Variants in PPP1R1C observed in about 807,000 individuals in gnomAD.
PPP1R1C encodes protein phosphatase 1 regulatory inhibitor subunit 1C, also known as protein phosphatase 1 regulatory subunit 1C.
PPP1R1C carries 15 observed loss-of-function variants against 17.4 expected under a neutral mutation model. The observed-to-expected ratio is 0.86, with a 90% confidence interval of 0.58 to 1.33. The LOEUF is 1.33. Among genes scored for constraint, PPP1R1C ranks in the 40% most tolerant of loss-of-function variants. PPP1R1C has a pLI of 0.00. For synonymous variants in PPP1R1C, 35 were observed against 43.1 expected (o/e 0.81, Z 0.73); for missense variants, 143 against 130.0 (o/e 1.10, Z -0.48).
chr2:181,961,723 C>A lies in PPP1R1C; in HGVS notation n.111+7089C>A, dbSNP rs184386711. On this transcript the variant is annotated intron_variant and non_coding_transcript_variant, in intron 1 of 5. Transcript: ENST00000464264. This position sits in a 1 kb window ranked among gnomAD's most constrained non-coding sequence, Gnocchi z 5.8. ...TCGAGTCAGCTCATCATATTGGGCC[C>A]GGATATCTGCTATGATCTTGGCAAG... 4.7e-6 allele frequency: 4 copies of A among 849,952 alleles called. No individual in the cohort carries two copies. In the African/African-American group the frequency reaches 6.6e-5, roughly 14 times the overall value. 52.7% of individuals were successfully genotyped at this position (849,952 alleles called of 1,614,324 possible). A position where few individuals can be genotyped will look rare whatever the true frequency, so the allele number is the denominator to read the frequency against.
intron 2 of PPP1R1C, among the ~76,000 whole-genome samples, chr2:181,993,002 T>A (rs1437384536): frequency 6.6e-6 from 1 of 152,180 alleles, no homozygotes; most frequent in African/African-American, 2.4e-5. Flanking sequence ...GTATGTAGCA[T>A]ATTACTTTCT....
chr2:182,058,681 G>T (rs1237866946), intron 2 of PPP1R1C, among the ~76,000 whole-genome samples: 2 of 152,058 alleles, frequency 1.3e-5, no homozygotes, highest in African/African-American at 4.8e-5. Flanking sequence ...AATTTTACGT[G>T]GCTTAAGTGT....
intron 5 of PPP1R1C, among the ~76,000 whole-genome samples, chr2:182,127,609 G>A (rs527260609): frequency 1.3e-5 from 2 of 152,164 alleles, no homozygotes; most frequent in East Asian, 3.9e-4. Context: ...GGGAAGAAAA[G>A]GGGAAGAACC....
At chr2:182,110,720 G>A (rs1013965753) in intron 4 of PPP1R1C, among the ~76,000 whole-genome samples, 9 of 152,130 alleles carry the variant, frequency 5.9e-5, no homozygotes, top group African/African-American at 2.2e-4. Flanking sequence ...GCTAACCACT[G>A]ACTCCTGCTG....
At chr2:182,003,526 T>C (rs1685831872) in intron 2 of PPP1R1C, among the ~76,000 whole-genome samples, 2 of 152,158 alleles carry the variant, frequency 1.3e-5, no homozygotes, top group Non-Finnish European at 2.9e-5. Context: ...AAATATGTTT[T>C]CTTGCAGCTC....
intron 2 of PPP1R1C, among the ~76,000 whole-genome samples, chr2:181,995,908 CT>C (rs1685599599): frequency 1.3e-5 from 2 of 152,114 alleles, no homozygotes; most frequent in African/African-American, 2.4e-5. Context: ...TTACCAGGGG[CT>C]TAAGCAGAAA....
At position 181,961,728 on chromosome 2, in the gene PPP1R1C, A is replaced by G; in HGVS notation, n.111+7094A>G. Reference sequence around the variant, plus strand: ...TCAGCTCATCATATTGGGCCCGGATATCTGCTATGATCTTGGCAAGGTCCT... The same window carrying G: ...TCAGCTCATCATATTGGGCCCGGATGTCTGCTATGATCTTGGCAAGGTCCT... On this transcript the variant is annotated intron_variant and non_coding_transcript_variant, in intron 1 of 5. Transcript: ENST00000464264. This position sits in a 1 kb window ranked among gnomAD's most constrained non-coding sequence, Gnocchi z 5.8. The G allele has an allele frequency of 1.2e-6, 1 of 862,388 alleles. No homozygotes were observed. The highest frequency in any genetic ancestry group is 2.0e-6 in the Non-Finnish European group (1 of 509,982). The allele number at this position is 862,388 out of a possible 1,614,324, so 53.4% of individuals were successfully genotyped here.
rs868670727 is a variant in PPP1R1C at position 181,962,889 on chromosome 2, C to T, written n.111+8255C>T. On this transcript the variant is annotated intron_variant and non_coding_transcript_variant, in intron 1 of 5. Transcript: ENST00000464264. This position sits in a 1 kb window ranked among gnomAD's most constrained non-coding sequence, Gnocchi z 6.0. ...ACTGATTCCCTTTGTCTGCAGGACA[C>T]ATTTGAGAGGGGGGATCTCTGAAGT... Among the ~76,000 whole-genome samples the T allele has an allele frequency of 3.3e-5, 5 of 152,114 alleles. No individual in the cohort carries two copies. The highest frequency in any genetic ancestry group is 7.2e-5 in the African/African-American group (3 of 41,406).
At chr2:181,977,629 A>G (rs1479964171) in intron 2 of PPP1R1C, among the ~76,000 whole-genome samples, 1 of 152,144 alleles carries the variant, frequency 6.6e-6, no homozygotes, top group Non-Finnish European at 1.5e-5. Flanking sequence ...AAAGTGCCTA[A>G]CAGGACACTT....
intron 2 of PPP1R1C, among the ~76,000 whole-genome samples, chr2:181,989,053 A>G (rs1384643818): frequency 6.6e-6 from 1 of 152,236 alleles, no homozygotes; most frequent in East Asian, 1.9e-4. Flanking sequence ...AATAAATACA[A>G]GTATAAAGAT....
chr2:182,125,656 T>A (rs2125242898), intron 5 of PPP1R1C, among the ~76,000 whole-genome samples: 1 of 152,304 alleles, frequency 6.6e-6, no homozygotes, highest in South Asian at 2.1e-4. Context: ...TTTATCCATT[T>A]CTTCTAGATT....
chr2:182,036,940 G>T (rs1048872902), intron 2 of PPP1R1C, among the ~76,000 whole-genome samples: 4 of 152,074 alleles, frequency 2.6e-5, no homozygotes, highest in African/African-American at 9.7e-5. Flanking sequence ...TCAGTTTTTA[G>T]AAATAACACA....
At chr2:182,049,958 T>C (rs778358818) in intron 2 of PPP1R1C, among the ~76,000 whole-genome samples, 1 of 152,178 alleles carries the variant, frequency 6.6e-6, no homozygotes, top group Non-Finnish European at 1.5e-5. Flanking sequence ...CCAAAATATC[T>C]TGTGGATTTT....
intron 2 of PPP1R1C, among the ~76,000 whole-genome samples, chr2:181,988,148 C>T (rs758506164): frequency 1.3e-5 from 2 of 152,240 alleles, no homozygotes; most frequent in Non-Finnish European, 2.9e-5. Context: ...TTTGCTAGCA[C>T]TGGCTGTCAT....
chr2:182,014,988 C>G (rs531058717), intron 2 of PPP1R1C, among the ~76,000 whole-genome samples: 1 of 152,148 alleles, frequency 6.6e-6, no homozygotes, highest in Admixed American at 6.5e-5. Context: ...AAATGCTGTC[C>G]AGAAGCCATA....
At chr2:181,956,922 T>C (rs1684679468) in intron 1 of PPP1R1C, among the ~76,000 whole-genome samples, 1 of 152,240 alleles carries the variant, frequency 6.6e-6, no homozygotes, top group South Asian at 2.1e-4. Flanking sequence ...ATAATTTTGT[T>C]TGTTGAGTCA....
At chr2:182,078,804 G>A (rs946835906) in intron 4 of PPP1R1C, among the ~76,000 whole-genome samples, 1 of 152,136 alleles carries the variant, frequency 6.6e-6, no homozygotes, top group Non-Finnish European at 1.5e-5. Context: ...TATGTATAGT[G>A]CCCAATATGT....
chr2:182,032,107 C>G (rs1686860367), intron 2 of PPP1R1C, among the ~76,000 whole-genome samples: 1 of 152,168 alleles, frequency 6.6e-6, no homozygotes, highest in African/African-American at 2.4e-5. Context: ...ATGTAATACA[C>G]CAACAAATCA....
At chr2:181,971,341 G>T (rs993470569) in intron 1 of PPP1R1C, among the ~76,000 whole-genome samples, 1 of 152,102 alleles carries the variant, frequency 6.6e-6, no homozygotes. Flanking sequence ...CCTTTTCATC[G>T]AGGGTGTGTC....
Sources: gnomAD v4.1 joint callset for allele counts (sites outside exome capture counted in the v4.1 genomes callset) on GRCh38, gnomAD v4.1.1 for gene constraint, Gnocchi (gnomAD v3.1) non-coding constraint, MANE v1.5 for transcripts, NCBI Gene and HGNC (gene_info 2026-07-23, HGNC 2026-07-21) for gene names.